Variants in RALGDS observed in about 807,000 individuals in gnomAD.
The protein encoded by RALGDS is ral guanine nucleotide dissociation stimulator, also known as ral guanine nucleotide exchange factor.
A neutral mutation model predicts 99.8 loss-of-function variants in RALGDS; 44 were observed. The observed-to-expected ratio is 0.44, with a 90% CI of 0.35 to 0.57. The LOEUF (loss-of-function observed/expected upper bound fraction) is 0.57. Among genes scored for constraint, RALGDS ranks in the 20% least tolerant of loss-of-function variants. The pLI is 0.01. For missense variants in RALGDS, 1,022 were observed against 1,203.1 expected (o/e 0.85, Z 2.23); for synonymous variants, 529 against 505.0 (o/e 1.05, Z -0.64).
chr9:133,099,182 A>C (rs1411874249), intron 17 of RALGDS: 1 of 199,472 alleles, frequency 5.0e-6, no homozygotes, highest in Non-Finnish European at 1.0e-5. Context: ...CGTTCCAGGG[A>C]GGCCTGTACT....
At chr9:133,119,477 G>A (rs1831796688) in intron 1 of RALGDS, among the ~76,000 whole-genome samples, 1 of 152,168 alleles carries the variant, frequency 6.6e-6, no homozygotes, top group South Asian at 2.1e-4. Flanking sequence ...AGGAGCGCCA[G>A]GGCCAGAGAG....
chr9:133,121,133 C>A lies in RALGDS; in HGVS notation c.22G>T (p.Glu8Ter). 6.9e-7 allele frequency: 1 copy of A among 1,449,710 alleles called. No individual in the cohort carries two copies. Among genetic ancestry groups the A allele is most frequent in the Non-Finnish European group, 9.0e-7 (1 of 1,105,640 alleles). The allele number at this position is 1,449,710 out of a possible 1,614,324, so 89.8% of individuals were successfully genotyped here. The change falls in exon 1 of 18, where the codon GAG (glutamate) becomes TAG (stop). Residue 8 changes from glutamate to a stop codon, truncating the protein, a stop_gained. Coordinates refer to ENST00000372050, the MANE Select transcript of RALGDS (RefSeq NM_006266.4). LOFTEE classifies it high-confidence loss of function. MVQRMWA[E>*]AAGPAGGAEP... is the part of the protein sequence containing the mutation. ...GCGCCGCCAGCAGGCCCGGCCGCCT[C>A]GGCCCACATGCGCTGCACCATGGAA...
At chr9:133,127,731 C>T (rs1415370733) in intron 1 of RALGDS, among the ~76,000 whole-genome samples, 2 of 152,220 alleles carry the variant, frequency 1.3e-5, no homozygotes, top group Admixed American at 6.5e-5. Flanking sequence ...CTCCTTCTGC[C>T]GCCAGGATGC....
Position 133,120,959 on chromosome 9 carries a change from C to G in RALGDS, c.183+13G>C. 1 of 1,479,878 alleles carries G rather than the reference C, an allele frequency of 6.8e-7. No homozygotes were observed. Among genetic ancestry groups the G allele is most frequent in the Non-Finnish European group, 8.9e-7 (1 of 1,120,750 alleles). 91.7% of individuals were successfully genotyped at this position (1,479,878 alleles called of 1,614,324 possible). ...CCGACGCACCCCCCGCCCGACCGCC[C>G]CAGCTCACCCACCTCCGGGCGCGGC... is the stretch of plus-strand genomic sequence containing the variant. On this transcript the variant is annotated intron_variant, in intron 1 of 17. Coordinates refer to ENST00000372050, the MANE Select transcript of RALGDS (RefSeq NM_006266.4).
chr9:133,108,449 T>C (rs1447084851), intron 5 of RALGDS, 43 bp from the exon 6 acceptor site: 1 of 1,516,576 alleles, frequency 6.6e-7, no homozygotes, highest in Non-Finnish European at 8.9e-7. Context: ...GCCTTTCCTG[T>C]GCCTTTCCAA....
chr9:133,106,812 C>T (rs1009705835), intron 7 of RALGDS, 64 bp from the exon 8 acceptor site: 11 of 1,302,808 alleles, frequency 8.4e-6, no homozygotes, highest in African/African-American at 5.8e-5. Context: ...TGGCCTCAGT[C>T]CCCCTTGGCC....
At chr9:133,109,793 T>C in intron 3 of RALGDS, 72 bp from the exon 4 acceptor site, 4 of 1,242,740 alleles carry the variant, frequency 3.2e-6, no homozygotes, top group Non-Finnish European at 4.7e-6. Context: ...AGGGATTTTT[T>C]TTTTTGCTTT....
chr9:133,124,203 CAT>C (rs1191447925), upstream of RALGDS, among the ~76,000 whole-genome samples: 2 of 151,096 alleles, frequency 1.3e-5, no homozygotes, highest in Admixed American at 6.6e-5. Context: ...CACAGAGACA[CAT>C]AGAGACAGAG....
In RALGDS at chr9:133,108,145, T is replaced by C. The variant is rs1831162276; in HGVS notation, c.1040A>G (p.Gln347Arg). ...TGGAGCTGGCTCCAGCTCTAGAGTT[T>C]GTGAGGGAGCTGGATCCTGTTCTGG... The part of the protein sequence containing the change: ...PAPEQDPAPS[Q>R]TLELEPAPAP... Residue 347 changes from glutamine (Q) to arginine (R), a missense_variant, in exon 6 of 18, where the codon CAA becomes CGA. Gln to Arg is a conservative substitution (Grantham distance 43). Around this residue, in one of 3 missense-constraint regions of RALGDS, gnomAD observed 825 missense variants for 994.5 expected, o/e 0.83. Transcript: ENST00000372050. 2 of 1,610,336 alleles carry C rather than the reference T, an allele frequency of 1.2e-6. No homozygotes were observed. Among genetic ancestry groups the C allele is most frequent in the Non-Finnish European group, 1.7e-6 (2 of 1,177,836 alleles).
At position 133,108,886 on chromosome 9, in the gene RALGDS, A is replaced by G. The variant is rs755223053; in HGVS notation, c.585-20T>C. On this transcript the variant is annotated intron_variant, in intron 4 of 17. Coordinates refer to ENST00000372050, the MANE Select transcript of RALGDS (RefSeq NM_006266.4). ...ATGGCACTGGGGACAGGTGGGTGGC[A>G]GCAGAGTCAGAGGCCTGGGCTCCCC... 6.2e-6 allele frequency: 10 copies of G among 1,601,458 alleles called. No homozygotes were observed. Among genetic ancestry groups the G allele is most frequent in the African/African-American group, 4.0e-5 (3 of 74,620 alleles).
rs541709714 is a variant in RALGDS, at chr9:133,140,838, C to T, written c.18+8125G>A. Among the ~76,000 whole-genome samples the T allele has an allele frequency of 5.9e-5, 9 of 152,282 alleles. No homozygotes were observed. In the South Asian group the frequency reaches 6.2e-4, roughly 11 times the overall value. ...TTCTTGGCGTGGCATCCGGCAAGAACGTGGGCCGGGGCTGCACGCACCTTG... is the reference window on the plus strand; with the variant it reads ...TTCTTGGCGTGGCATCCGGCAAGAATGTGGGCCGGGGCTGCACGCACCTTG... On this transcript the variant is annotated intron_variant, in intron 1 of 17. Coordinates refer to the RALGDS transcript ENST00000393160.
At chr9:133,135,190 G>A (rs1419594860), upstream of RALGDS, among the ~76,000 whole-genome samples, 9 of 152,168 alleles carry the variant, frequency 5.9e-5, no homozygotes, top group Admixed American at 2.6e-4. Flanking sequence ...AGGGAGACCC[G>A]GGGACTCCCA....
At chr9:133,120,942 C>A (rs925171607) in intron 1 of RALGDS, 30 bp downstream of exon 1, 50 of 1,465,274 alleles carry the variant, frequency 3.4e-5, no homozygotes, top group Admixed American at 7.0e-5. Flanking sequence ...CTCCGACGCA[C>A]CCCCCGCCCG....
intron 5 of RALGDS, 102 bp downstream of exon 5, chr9:133,108,571 T>C (rs2119158710): frequency 6.7e-7 from 1 of 1,486,540 alleles, no homozygotes; most frequent in South Asian, 1.2e-5. Context: ...GAGGCTCATC[T>C]GGGCCCCTGA....
chr9:133,130,168 C>T (rs540096743), intron 1 of RALGDS, among the ~76,000 whole-genome samples: 13 of 152,322 alleles, frequency 8.5e-5, no homozygotes, highest in South Asian at 6.2e-4. Flanking sequence ...GATGGGGCTT[C>T]ACTACATTGG....
intron 1 of RALGDS, among the ~76,000 whole-genome samples, chr9:133,143,817 A>G (rs1832576865): frequency 7.3e-6 from 1 of 136,458 alleles, no homozygotes; most frequent in Non-Finnish European, 1.5e-5. Context: ...TAATAATAAT[A>G]ATAAAATAAA....
Position 133,101,644 on chromosome 9 carries a change from C to A in RALGDS, c.2330G>T (p.Arg777Leu), listed in dbSNP as rs770489030. The change falls in exon 16 of 18, where the codon CGC becomes CTC. Residue 777 changes from arginine to leucine, a missense_variant. By Grantham distance (102) the Arg-to-Leu change is moderately radical. This residue lies in a region of RALGDS where 825 missense variants were observed against 994.5 expected (regional missense o/e 0.83). Transcript: ENST00000372050. ...TPVAATRTHK[R>L]SVSGLCNSSS... ...GGAGTTGCAGAGCCCTGAGACAGAG[C>A]GCTTGTGGGTGCGTGTGGCAGCCAC... 1 of 1,613,800 alleles carries A rather than the reference C, an allele frequency of 6.2e-7. No individual in the cohort carries two copies. Among genetic ancestry groups the A allele is most frequent in the Non-Finnish European group, 8.5e-7 (1 of 1,180,032 alleles).
At chr9:133,121,296 A>G (rs1831933392), upstream of RALGDS, 2 of 883,600 alleles carry the variant, frequency 2.3e-6, no homozygotes, top group Non-Finnish European at 2.7e-6. Context: ...GCCGGAGGGG[A>G]AGAGGGTGGG....
chr9:133,129,282 C>A, intron 1 of RALGDS: 1 of 1,594,344 alleles, frequency 6.3e-7, no homozygotes, highest in Non-Finnish European at 8.5e-7. Flanking sequence ...CTGGGCACGG[C>A]AGGCCTGGCA....
Sources: allele counts gnomAD v4.1 joint callset (sites outside exome capture counted in the v4.1 genomes callset), GRCh38; gene constraint gnomAD v4.1.1; regional missense constraint gnomAD v4.1.1; transcripts MANE v1.5; gene names NCBI Gene and HGNC (gene_info 2026-07-23, HGNC 2026-07-21).